CBLB: variants seen among roughly 807,000 people sequenced by gnomAD.
CBLB encodes E3 ubiquitin-protein ligase CBL-B.
In CBLB, 31 loss-of-function variants were observed where a neutral mutation model predicts 104.9. The observed-to-expected ratio is 0.30, with a 90% CI of 0.22 to 0.40. The LOEUF is 0.40. Among genes scored for constraint, CBLB ranks in the 10% least tolerant of loss-of-function variants. CBLB has a pLI of 1.00. For missense variants in CBLB, 1,062 were observed against 1,214.6 expected (o/e 0.87, Z 1.87); for synonymous variants, 440 against 422.6 (o/e 1.04, Z -0.51).
rs533485952 is a variant in CBLB, at chr3:105,728,154, T to A, written c.1203+5855A>T. Among the ~76,000 whole-genome samples the A allele has an allele frequency of 8.5e-5, 13 of 152,322 alleles. No individual in the cohort carries two copies. In the South Asian group the frequency reaches 2.7e-3, roughly 32 times the overall value. ...GGGCATTTTGGCCATTTTCATGATATTGATTCTTTCTTTATGTCCTCTCTG... is the reference window on the plus strand; with the variant it reads ...GGGCATTTTGGCCATTTTCATGATAATGATTCTTTCTTTATGTCCTCTCTG... On this transcript the variant is annotated intron_variant, in intron 9 of 18. Coordinates refer to ENST00000394030, the MANE Select transcript of CBLB (RefSeq NM_170662.5).
chr3:105,722,665 C>T (rs1011844311), intron 9 of CBLB, among the ~76,000 whole-genome samples: 1 of 152,158 alleles, frequency 6.6e-6, no homozygotes, highest in East Asian at 1.9e-4. Context: ...TATTAGGCTA[C>T]GTAAGTTTCT....
chr3:105,814,193 C>T (rs2084694990), intron 3 of CBLB, among the ~76,000 whole-genome samples: 1 of 152,074 alleles, frequency 6.6e-6, no homozygotes, highest in Admixed American at 6.5e-5. Flanking sequence ...TAAATTCTCC[C>T]AACTAAAGCT....
rs575592042 is a variant in CBLB, at chr3:105,685,567, T to C, written c.2055-101A>G. ...GTCAAAGAAGCTACTTTATCACTTATGTTCATTTTTCAATTACAGGGTATC... is the reference window on the plus strand; with the variant it reads ...GTCAAAGAAGCTACTTTATCACTTACGTTCATTTTTCAATTACAGGGTATC... On this transcript the variant is annotated intron_variant, in intron 13 of 18. Transcript: ENST00000394030. 1.5e-4 allele frequency: 141 copies of C among 926,430 alleles called. 1 individual carries two copies. The East Asian group carries it at 3.3e-3, about 22-fold the overall frequency. The allele number at this position is 926,430 out of a possible 1,614,324, so 57.4% of individuals were successfully genotyped here.
At chr3:105,683,388 G>A (rs1420787684) in intron 14 of CBLB, among the ~76,000 whole-genome samples, 1 of 152,116 alleles carries the variant, frequency 6.6e-6, no homozygotes, top group Non-Finnish European at 1.5e-5. Flanking sequence ...ATTACATTTA[G>A]GGATTATCAA....
chr3:105,722,698 T>C (rs3772527), intron 9 of CBLB, among the ~76,000 whole-genome samples: 39,980 of 152,062 alleles, frequency 0.26, 5,423 homozygotes, highest in Admixed American at 0.28. Flanking sequence ...AGGGTCAACT[T>C]ACATATTGCT....
chr3:105,782,578 C>CTTTTTTTTT (rs11333516), intron 3 of CBLB, among the ~76,000 whole-genome samples: 1 of 137,520 alleles, frequency 7.3e-6, no homozygotes, highest in African/African-American at 2.7e-5. Flanking sequence ...CTTTTCTTTT[C>CTTTTTTTTT]TTTTTTTTTT....
At chr3:105,705,286 G>A (rs955297418) in intron 10 of CBLB, among the ~76,000 whole-genome samples, 2 of 152,120 alleles carry the variant, frequency 1.3e-5, no homozygotes, top group African/African-American at 2.4e-5. Context: ...ATGGATTTGC[G>A]TTCACATTCA....
intron 3 of CBLB, among the ~76,000 whole-genome samples, chr3:105,785,185 T>TA (rs1480513735): frequency 1.3e-5 from 2 of 152,184 alleles, no homozygotes; most frequent in Non-Finnish European, 2.9e-5. Context: ...AGCTATCAAA[T>TA]AAAAGTTTGT....
At chr3:105,671,819 TAAAA>T (rs2065089950) in intron 17 of CBLB, 1 of 194,608 alleles carries the variant, frequency 5.1e-6, no homozygotes, top group South Asian at 1.9e-4. Context: ...ATTTCAAGAT[TAAAA>T]TAACTCTTAG....
intron 12 of CBLB, among the ~76,000 whole-genome samples, chr3:105,695,597 G>C (rs1270075923): frequency 6.6e-6 from 1 of 151,744 alleles, no homozygotes; most frequent in African/African-American, 2.4e-5. Context: ...CTAATTTTTT[G>C]AAACAATCCA....
chr3:105,721,571 G>C (rs1010931543), intron 9 of CBLB, among the ~76,000 whole-genome samples: 2 of 152,098 alleles, frequency 1.3e-5, no homozygotes, highest in East Asian at 3.9e-4. Context: ...ATTTGGAAAA[G>C]AAACTTGGAA....
At position 105,868,856 on chromosome 3, in the gene CBLB, C is replaced by G. The variant is rs943048827; in HGVS notation, c.-135G>C. The G allele has an allele frequency of 3.0e-6, 3 of 1,010,894 alleles. No homozygotes were observed. Among genetic ancestry groups the G allele is most frequent in the African/African-American group, 1.7e-5 (1 of 57,470 alleles). The allele number at this position is 1,010,894 out of a possible 1,614,324, so 62.6% of individuals were successfully genotyped here. On this transcript the variant is annotated 5_prime_UTR_variant, in exon 1 of 19. Coordinates refer to ENST00000394030, the MANE Select transcript of CBLB (RefSeq NM_170662.5). Reference sequence around the variant, plus strand: ...GGGATCGCTGAGAACAGCTCGCTCCCGAAGAAGGAGCAACCCAGCGCGCAG... The same window carrying G: ...GGGATCGCTGAGAACAGCTCGCTCCGGAAGAAGGAGCAACCCAGCGCGCAG...
intron 3 of CBLB, among the ~76,000 whole-genome samples, chr3:105,781,752 T>C (rs2080283348): frequency 1.3e-5 from 2 of 152,176 alleles, no homozygotes; most frequent in African/African-American, 4.8e-5. Context: ...AAATGACCAT[T>C]TTCAGTGAGG....
At chr3:105,797,740 C>T (rs1009066890) in intron 3 of CBLB, among the ~76,000 whole-genome samples, 1 of 152,208 alleles carries the variant, frequency 6.6e-6, no homozygotes, top group Non-Finnish European at 1.5e-5. Flanking sequence ...TAACATTAGA[C>T]TTGATTTAAG....
At chr3:105,833,212 C>T (rs971726048) in intron 3 of CBLB, among the ~76,000 whole-genome samples, 3 of 152,194 alleles carry the variant, frequency 2.0e-5, no homozygotes, top group Non-Finnish European at 2.9e-5. Flanking sequence ...ATAGCCATCG[C>T]AGTTTCCATT....
At chr3:105,711,866 G>C (rs1328937071) in intron 10 of CBLB, among the ~76,000 whole-genome samples, 1 of 152,100 alleles carries the variant, frequency 6.6e-6, no homozygotes, top group Non-Finnish European at 1.5e-5. Flanking sequence ...TGTTCCACTA[G>C]TAACTTCTGG....
intron 9 of CBLB, among the ~76,000 whole-genome samples, chr3:105,728,177 C>G (rs1055270690): frequency 2.0e-5 from 3 of 152,002 alleles, no homozygotes; most frequent in African/African-American, 4.8e-5. Flanking sequence ...TATGTCCTCT[C>G]TGTTTGCAGA....
At chr3:105,687,770 T>C (rs1300422223) in intron 13 of CBLB, among the ~76,000 whole-genome samples, 1 of 151,848 alleles carries the variant, frequency 6.6e-6, no homozygotes, top group East Asian at 1.9e-4. Context: ...GTGTATTTTA[T>C]TCAAGATTAC....
At chr3:105,824,747 G>C (rs1487272955) in intron 3 of CBLB, among the ~76,000 whole-genome samples, 1 of 152,066 alleles carries the variant, frequency 6.6e-6, no homozygotes. Flanking sequence ...AGCCTCATCT[G>C]GTGTCCCTGA....
Sources: gnomAD v4.1 joint callset for allele counts (sites outside exome capture counted in the v4.1 genomes callset) on GRCh38, gnomAD v4.1.1 for gene constraint, MANE v1.5 for transcripts, NCBI Gene and HGNC (gene_info 2026-07-23, HGNC 2026-07-21) for gene names.